Variants in BRCA1 observed in about 807,000 individuals in gnomAD.
BRCA1 encodes the protein breast cancer type 1 susceptibility protein.
In BRCA1, 140 loss-of-function variants were observed where a neutral mutation model predicts 173.7. The ratio of observed to expected loss-of-function variants is 0.81; its 90% confidence interval spans 0.70 to 0.93. The LOEUF (loss-of-function observed/expected upper bound fraction) is 0.93. Among genes scored for constraint, BRCA1 ranks in the 40% least tolerant of loss-of-function variants. BRCA1 has a pLI of 0.00. For synonymous variants in BRCA1, 662 were observed against 756.0 expected (o/e 0.88, Z 2.04); for missense variants, 1,983 against 2,172.5 (o/e 0.91, Z 1.73).
chr17:43,110,541 T>G (rs2054988724), intron 3 of BRCA1: 1 of 442,432 alleles, frequency 2.3e-6, no homozygotes, highest in South Asian at 1.6e-5. Context: ...AGCCTCATGA[T>G]CGCACCACTG....
Position 43,119,283 on chromosome 17 carries a change from A to C in BRCA1, c.81-3504T>G, listed in dbSNP as rs2154569088. ...GAATCCATCTCAAAAAAAGAAAAAA[A>C]AAAAAGAAAAGGATCACAAGAAAAG... On this transcript the variant is annotated intron_variant, in intron 2 of 22. Transcript: ENST00000357654. 1.4e-5 allele frequency: 3 copies of C among 216,230 alleles called. No individual in the cohort carries two copies. In the South Asian group the frequency reaches 5.6e-4, roughly 40 times the overall value. 13.4% of individuals were successfully genotyped at this position (216,230 alleles called of 1,614,324 possible). A position where few individuals can be genotyped will look rare whatever the true frequency, so the allele number is the denominator to read the frequency against.
At chr17:43,129,810 A>G (rs746781082), upstream of BRCA1, among the ~76,000 whole-genome samples, 14 of 152,112 alleles carry the variant, frequency 9.2e-5, no homozygotes, top group Non-Finnish European at 1.8e-4. Context: ...GGTATTTCAG[A>G]ATATCCGCTT....
Position 43,092,044 on chromosome 17 carries a change from T to C in BRCA1, c.3487A>G (p.Thr1163Ala), listed in dbSNP as rs769456095. Residue 1163 changes from threonine to alanine, a missense_variant, in exon 10 of 23, where the codon ACT becomes GCT. By Grantham distance (58) the Thr-to-Ala change is moderately conservative (BLOSUM62 0). Coordinates refer to ENST00000357654, the MANE Select transcript of BRCA1 (RefSeq NM_007294.4). ...LLDDGEIKED[T>A]SFAENDIKES... ...TTAATGTCATTTTCAGCAAAACTAG[T>C]ATCTTCCTTTATTTCACCATCATCT... 8 of 1,614,084 alleles carry C rather than the reference T, an allele frequency of 5.0e-6. No individual in the cohort carries two copies. Among genetic ancestry groups the C allele is most frequent in the South Asian group, 1.1e-5 (1 of 91,082 alleles).
chr17:43,131,280 ATTATG>A (rs1447538822), intron 1 of BRCA1: 1 of 455,056 alleles, frequency 2.2e-6, no homozygotes, highest in African/African-American at 2.0e-5. Flanking sequence ...GGTAAAGTAT[ATTATG>A]GTACTTATTG....
intron 3 of BRCA1, among the ~76,000 whole-genome samples, chr17:43,107,382 A>ATT (rs762948688): frequency 2.5e-5 from 3 of 118,516 alleles, no homozygotes; most frequent in East Asian, 2.4e-4. Context: ...TATTTTCTTA[A>ATT]TTTTTTTTTT....
At chr17:43,099,271 GCTCT>G (rs954069557) in intron 7 of BRCA1, among the ~76,000 whole-genome samples, 19 of 149,640 alleles carry the variant, frequency 1.3e-4, no homozygotes, top group African/African-American at 3.9e-4. Flanking sequence ...TCTTTCTTTT[GCTCT>G]CTTTTTTTTT....
In BRCA1 at chr17:43,071,062, G is replaced by A. The variant is rs755920262; in HGVS notation, c.4852C>T (p.His1618Tyr). The A allele has an allele frequency of 1.9e-6, 3 of 1,614,152 alleles. No individual in the cohort carries two copies. Among genetic ancestry groups the A allele is most frequent in the South Asian group, 1.1e-5 (1 of 91,076 alleles). Residue 1618 changes from histidine to tyrosine, a missense_variant, in exon 15 of 23, where the codon CAT becomes TAT. Transcript: ENST00000357654. ...AESAQSPAAAHTTDTAGYNAM... is the reference protein window; with the variant it reads ...AESAQSPAAAYTTDTAGYNAM... ...TTATACCCAGCAGTATCAGTAGTAT[G>A]AGCAGCAGCTGGACTCTGGGCAGAT...
At chr17:43,129,858 T>C (rs1418928247), upstream of BRCA1, among the ~76,000 whole-genome samples, 2 of 152,198 alleles carry the variant, frequency 1.3e-5, no homozygotes, top group African/African-American at 4.8e-5. Flanking sequence ...TTCCTGATTT[T>C]TTGCCTAAGG....
At chr17:43,049,949 C>T (rs1385254010) in intron 20 of BRCA1, 1 of 397,068 alleles carries the variant, frequency 2.5e-6, no homozygotes, top group East Asian at 3.6e-5. Context: ...TTTCTGGCAA[C>T]CCTGGTTTCC....
rs139038134 is a variant in BRCA1, at chr17:43,065,990, T to C, written c.5074+1618A>G. Among the ~76,000 whole-genome samples the C allele has an allele frequency of 3.3e-3, 508 of 152,362 alleles. 1 individual carries two copies. Among genetic ancestry groups the C allele is most frequent in the Middle Eastern group, 0.017 (5 of 294 alleles). The stretch of plus-strand genomic sequence containing the variant: ...CTACCTCTGGATAAACACTCTCCAA[T>C]TTGTCAGTGACCATGTTAAAAACCA... On this transcript the variant is annotated intron_variant, in intron 16 of 22. Transcript: ENST00000357654.
chr17:43,079,373 T>A (rs879066235), intron 12 of BRCA1: 1 of 1,597,394 alleles, frequency 6.3e-7, no homozygotes, highest in South Asian at 1.1e-5. Context: ...AACATGGAGT[T>A]GTTCCTTTGG....
At position 43,051,103 on chromosome 17, in the gene BRCA1, T is replaced by C. The variant is rs2051209584; in HGVS notation, c.5292A>G (p.Leu1764=). 1 of 1,614,040 alleles carries C rather than the reference T, an allele frequency of 6.2e-7. No individual in the cohort carries two copies. The highest frequency in any genetic ancestry group is 1.1e-5 in the South Asian group (1 of 91,084). The change falls in exon 20 of 23, where the codon CTA becomes CTG. Residue 1764 remains leucine, a synonymous_variant. Coordinates refer to ENST00000357654, the MANE Select transcript of BRCA1 (RefSeq NM_007294.4). Reference sequence around the variant, plus strand: ...TGAAGGGCCCATAGCAACAGATTTCTAGCCCCCTGAAGATCTGGAAGAAGA... The same window carrying C: ...TGAAGGGCCCATAGCAACAGATTTCCAGCCCCCTGAAGATCTGGAAGAAGA... ...ESQDRKIFRG[L]EICCYGPFTN...
Position 43,063,374 on chromosome 17 carries a change from CT to C in BRCA1, c.5153-2del, listed in dbSNP as rs273901746. ...CTTTCTTTAATAGACTGGGTCACCC[CT>C]AAAGAGATCATAGAAAAGACAGGTT... On this transcript the variant is annotated splice_acceptor_variant, in intron 17 of 22. Coordinates refer to ENST00000357654, the MANE Select transcript of BRCA1 (RefSeq NM_007294.4). LOFTEE classifies it high-confidence loss of function. The C allele has an allele frequency of 6.2e-7, 1 of 1,611,144 alleles. No individual in the cohort carries two copies. The highest frequency in any genetic ancestry group is 8.5e-7 in the Non-Finnish European group (1 of 1,177,652).
rs141915184 is a variant in BRCA1 at position 43,061,077 on chromosome 17, G to C, written c.5193+2256C>G. On this transcript the variant is annotated intron_variant, in intron 18 of 22. Transcript: ENST00000357654. ...GGAGACAGAGTTTGCAGTGAGCCAA[G>C]ATTGTGCCACTGCACTCCAGCCTGG... Among the ~76,000 whole-genome samples, 214 of 152,236 alleles carry C rather than the reference G, an allele frequency of 1.4e-3. No individual in the cohort carries two copies. The highest frequency in any genetic ancestry group is 5.0e-3 in the African/African-American group (208 of 41,544).
chr17:43,064,082 G>A (rs886924969), intron 16 of BRCA1, 131 bp from the exon 17 acceptor site: 2 of 774,352 alleles, frequency 2.6e-6, no homozygotes, highest in South Asian at 1.5e-5. Context: ...TAAAACCCCT[G>A]GTGACAGAAT....
In BRCA1 at chr17:43,103,339, C is replaced by T. The variant is rs191431246; in HGVS notation, c.441+783G>A. 4.6e-5 allele frequency among the ~76,000 whole-genome samples: 7 copies of T among 152,058 alleles called. No homozygotes were observed. The East Asian group carries it at 1.4e-3, about 29-fold the overall frequency. Reference sequence around the variant, plus strand: ...AAAATTAGCCAGGTCTGGTGTCGTACCCCTGTAGTCCCAACTACTCAGGAG... The same window carrying T: ...AAAATTAGCCAGGTCTGGTGTCGTATCCCTGTAGTCCCAACTACTCAGGAG... On this transcript the variant is annotated intron_variant, in intron 6 of 22. Coordinates refer to ENST00000357654, the MANE Select transcript of BRCA1 (RefSeq NM_007294.4).
intron 19 of BRCA1, among the ~76,000 whole-genome samples, chr17:43,055,157 G>GT (rs764707052): frequency 1.3e-5 from 2 of 152,218 alleles, no homozygotes; most frequent in Non-Finnish European, 2.9e-5. Flanking sequence ...GGCCTGACAG[G>GT]TAAGTGTGAA....
chr17:43,126,302 T>A (rs1188365123), upstream of BRCA1, among the ~76,000 whole-genome samples: 2 of 152,118 alleles, frequency 1.3e-5, no homozygotes, highest in South Asian at 4.1e-4. Context: ...GAGGGACAAG[T>A]GGTAAGAGCC....
chr17:43,119,191 G>C (rs1448769035), intron 2 of BRCA1: 1 of 214,630 alleles, frequency 4.7e-6, no homozygotes, highest in Non-Finnish European at 9.4e-6. Flanking sequence ...ACAAGGGCCA[G>C]GTGCGGTGGC....
Sources: gnomAD v4.1 joint callset for allele counts (sites outside exome capture counted in the v4.1 genomes callset) on GRCh38, gnomAD v4.1.1 for gene constraint, MANE v1.5 for transcripts, NCBI Gene and HGNC (gene_info 2026-07-23, HGNC 2026-07-21) for gene names.